Variants in IZUMO1R observed in about 807,000 individuals in gnomAD.
IZUMO1R encodes the protein sperm-egg fusion protein Juno.
In IZUMO1R, 24 loss-of-function variants were observed where a neutral mutation model predicts 22.1. The observed-to-expected ratio is 1.09, with a 90% CI of 0.79 to 1.53. The LOEUF is 1.53. IZUMO1R is among the 40% of genes most tolerant of loss of function. The pLI is 0.00. For missense variants in IZUMO1R, 308 were observed against 314.9 expected, an observed-to-expected ratio of 0.98 and a Z score of 0.17; for synonymous variants, 133 against 121.2, an observed-to-expected ratio of 1.10 and a Z score of -0.64.
intron 2 of IZUMO1R, 149 bp from the exon 3 acceptor site, chr11:94,306,364 T>C: frequency 1.4e-6 from 1 of 708,368 alleles, no homozygotes; most frequent in Non-Finnish European, 2.5e-6. Context: ...ATTATCAGGG[T>C]TCCTCTTATG....
rs756020398 is a variant in IZUMO1R, at chr11:94,306,552, A to G, written c.178A>G (p.Thr60Ala). The change falls in exon 3 of 5, where the codon ACA (threonine) becomes GCA (alanine). Residue 60 changes from threonine (T) to alanine (A), a missense_variant. Coordinates refer to ENST00000687084, the MANE Select transcript of IZUMO1R (RefSeq NM_001199206.4). Reference protein sequence around the residue: ...WKDNACCTLTTSWEAHLDVSP... With the variant: ...WKDNACCTLTASWEAHLDVSP... ...GGACAATGCCTGCTGCACCCTCACG[A>G]CAAGCTGGGAAGCCCATCTGGATGT... The G allele has an allele frequency of 3.1e-6, 5 of 1,613,804 alleles. No homozygotes were observed. In the Admixed American group the frequency reaches 6.7e-5, roughly 22 times the overall value.
rs554302745 is a variant in IZUMO1R at position 94,305,759 on chromosome 11, C to T, written c.123C>T (p.Asp41=). 2.5e-5 allele frequency: 40 copies of T among 1,613,096 alleles called. No homozygotes were observed. Among genetic ancestry groups the T allele is most frequent in the Admixed American group, 1.0e-4 (6 of 59,916 alleles). ...KHHKRVPSPE[D]KLYEECIPWK... Reference sequence around the variant, plus strand: ...ACAAGAGAGTGCCCAGCCCAGAAGACAAGCTCTATGAGGAGGTACAGAGGC... The same window carrying T: ...ACAAGAGAGTGCCCAGCCCAGAAGATAAGCTCTATGAGGAGGTACAGAGGC... Residue 41 remains aspartate, a synonymous_variant, in exon 2 of 5, where the codon GAC becomes GAT. Transcript: ENST00000687084.
chr11:94,306,463 C>T lies in IZUMO1R; in HGVS notation c.139-50C>T, dbSNP rs745674737. ...CCACCTTTCTTCCCTAGACACTTGC[C>T]GATCCTTGCCCCTTTTGCCTGGGCC... On this transcript the variant is annotated intron_variant, in intron 2 of 4. Coordinates refer to ENST00000687084, the MANE Select transcript of IZUMO1R (RefSeq NM_001199206.4). 5.9e-5 allele frequency: 92 copies of T among 1,558,378 alleles called. No individual in the cohort carries two copies. The Admixed American group carries it at 8.2e-4, about 14-fold the overall frequency.
rs916584040 is a variant in IZUMO1R, at chr11:94,307,801, C to T, written c.*109C>T. 5.1e-5 allele frequency: 52 copies of T among 1,021,268 alleles called. No homozygotes were observed. Among genetic ancestry groups the T allele is most frequent in the Non-Finnish European group, 7.1e-5 (51 of 719,560 alleles). 63.3% of individuals were successfully genotyped at this position (1,021,268 alleles called of 1,614,324 possible). ...CCTCCCCTAAAAGCAGTGGCATGGG[C>T]TAGGGACTGCAGTCCCACCCAGTCT... On this transcript the variant is annotated 3_prime_UTR_variant, in exon 5 of 5. Transcript: ENST00000687084.
At position 94,305,770 on chromosome 11, in the gene IZUMO1R, A is replaced by G. The variant is rs1284393021; in HGVS notation, c.134A>G (p.Glu45Gly). 6.2e-7 allele frequency: 1 copy of G among 1,613,198 alleles called. No homozygotes were observed. The highest frequency in any genetic ancestry group is 2.2e-5 in the East Asian group (1 of 44,828). The change falls in exon 2 of 5, where the codon GAG becomes GGG. Residue 45 changes from glutamate (E) to glycine (G), a missense_variant. Transcript: ENST00000687084. The part of the protein sequence containing the change: ...RVPSPEDKLY[E>G]ECIPWKDNAC... ...CCCAGCCCAGAAGACAAGCTCTATG[A>G]GGAGGTACAGAGGCCAGACCTGGGT...
At chr11:94,307,017 C>A (rs1157781959) in intron 3 of IZUMO1R, 148 bp from the exon 4 acceptor site, 2 of 993,956 alleles carry the variant, frequency 2.0e-6, no homozygotes, top group Non-Finnish European at 3.0e-6. Flanking sequence ...AATCTCTTAG[C>A]CTCATTGGTA....
intron 3 of IZUMO1R, 133 bp from the exon 4 acceptor site, chr11:94,307,032 T>G (rs1944028723): frequency 9.1e-7 from 1 of 1,104,722 alleles, no homozygotes; most frequent in South Asian, 1.6e-5. Context: ...TTGGTATTAT[T>G]TGTAAAATAA....
At position 94,307,634 on chromosome 11, in the gene IZUMO1R, C is replaced by T. The variant is rs1283107964; in HGVS notation, c.695C>T (p.Ser232Phe). The T allele has an allele frequency of 3.7e-6, 6 of 1,613,802 alleles. No homozygotes were observed. The highest frequency in any genetic ancestry group is 4.2e-6 in the Non-Finnish European group (5 of 1,179,838). ...VARLFASSAP[S>F]WELSYTIMVC... Reference sequence around the variant, plus strand: ...CGCCTCTTCGCCAGCTCTGCCCCATCCTGGGAACTGTCCTACACCATCATG... The same window carrying T: ...CGCCTCTTCGCCAGCTCTGCCCCATTCTGGGAACTGTCCTACACCATCATG... The change falls in exon 5 of 5, where the codon TCC becomes TTC. Residue 232 changes from serine (S) to phenylalanine (F), a missense_variant. Transcript: ENST00000687084.
In IZUMO1R at chr11:94,305,736, A is replaced by G. The variant is rs746872894; in HGVS notation, c.100A>G (p.Lys34Glu). 2 of 1,613,292 alleles carry G rather than the reference A, an allele frequency of 1.2e-6. No homozygotes were observed. Among genetic ancestry groups the G allele is most frequent in the East Asian group, 4.5e-5 (2 of 44,824 alleles). ...CATCTGCATGAATGCCAAACACCAC[A>G]AGAGAGTGCCCAGCCCAGAAGACAA... Reference protein sequence around the residue: ...LNICMNAKHHKRVPSPEDKLY... With the variant: ...LNICMNAKHHERVPSPEDKLY... Residue 34 changes from lysine (K) to glutamate (E), a missense_variant, in exon 2 of 5, where the codon AAG (lysine) becomes GAG (glutamate). Coordinates refer to ENST00000687084, the MANE Select transcript of IZUMO1R (RefSeq NM_001199206.4).
At position 94,305,632 on chromosome 11, in the gene IZUMO1R, A is replaced by T; in HGVS notation, c.-5A>T. ...TGTGCAGCATGGGTCTCTCTGTAGC[A>T]GGCCATGGCATGCTGGTGGCCGCTC... On this transcript the variant is annotated splice_region_variant and 5_prime_UTR_variant, in exon 2 of 5. Transcript: ENST00000687084. 3 of 1,612,586 alleles carry T rather than the reference A, an allele frequency of 1.9e-6. No homozygotes were observed. Among genetic ancestry groups the T allele is most frequent in the Non-Finnish European group, 2.5e-6 (3 of 1,179,734 alleles).
At chr11:94,307,378 C>A (rs1233492707) in intron 4 of IZUMO1R, 46 bp from the exon 5 acceptor site, 2 of 1,611,984 alleles carry the variant, frequency 1.2e-6, no homozygotes, top group African/African-American at 1.3e-5. Flanking sequence ...CAAAGGCTAG[C>A]AATGAGGGAG....
chr11:94,305,832 C>T (rs1944012945), intron 2 of IZUMO1R, 58 bp downstream of exon 2: 8 of 1,582,892 alleles, frequency 5.1e-6, no homozygotes, highest in Non-Finnish European at 6.9e-6. Flanking sequence ...ACACAAATGC[C>T]AAGATGGTCT....
chr11:94,307,805 G>T lies in IZUMO1R; in HGVS notation c.*113G>T, dbSNP rs1591573179. 3.2e-5 allele frequency: 29 copies of T among 904,228 alleles called. No individual in the cohort carries two copies. Among genetic ancestry groups the T allele is most frequent in the African/African-American group, 7.6e-5 (3 of 39,718 alleles). The allele number at this position is 904,228 out of a possible 1,614,324, so 56.0% of individuals were successfully genotyped here. A position where few individuals can be genotyped will look rare whatever the true frequency, so the allele number is the denominator to read the frequency against. On this transcript the variant is annotated 3_prime_UTR_variant, in exon 5 of 5. Coordinates refer to ENST00000687084, the MANE Select transcript of IZUMO1R (RefSeq NM_001199206.4). ...CCCTAAAAGCAGTGGCATGGGCTAG[G>T]GACTGCAGTCCCACCCAGTCTAGCC...
intron 2 of IZUMO1R, among the ~76,000 whole-genome samples, chr11:94,306,284 G>A (rs1016134860): frequency 5.9e-5 from 9 of 152,102 alleles, no homozygotes; most frequent in Non-Finnish European, 7.3e-5. Flanking sequence ...TGTGTTTCTA[G>A]AGGACTGTAG....
At chr11:94,305,942 C>T (rs1238441462) in intron 2 of IZUMO1R, among the ~76,000 whole-genome samples, 168 bp downstream of exon 2, 2 of 150,208 alleles carry the variant, frequency 1.3e-5, no homozygotes, top group African/African-American at 4.9e-5. Context: ...CCATAAGAGC[C>T]AAGCGATTCA....
rs1944039909 is a variant in IZUMO1R at position 94,307,823 on chromosome 11, G to GCC, written c.*131_*132insCC. On this transcript the variant is annotated 3_prime_UTR_variant, in exon 5 of 5. Coordinates refer to ENST00000687084, the MANE Select transcript of IZUMO1R (RefSeq NM_001199206.4). ...GGGCTAGGGACTGCAGTCCCACCCA[G>GCC]TCTAGCCCATGCCACTGCTTTTAGG... 3 of 140,504 alleles carry GCC rather than the reference G, an allele frequency of 2.1e-5. No individual in the cohort carries two copies. Among genetic ancestry groups the GCC allele is most frequent in the South Asian group, 4.1e-4 (2 of 4,916 alleles). The allele number at this position is 140,504 out of a possible 1,614,324, so 8.7% of individuals were successfully genotyped here.
rs1591572752 is a variant in IZUMO1R, at chr11:94,307,268, C to A, written c.452C>A (p.Ser151Tyr). The change falls in exon 4 of 5, where the codon TCC (serine) becomes TAC (tyrosine). Residue 151 changes from serine to tyrosine, a missense_variant. By Grantham distance (144) the Ser-to-Tyr change is moderately radical. Transcript: ENST00000687084. Reference protein sequence around the residue: ...EDCRMSYTCKSNWRGGWDWSQ... With the variant: ...EDCRMSYTCKYNWRGGWDWSQ... ...TGTCGCATGTCTTACACATGCAAAT[C>A]CAACTGGCGTGGTGGCTGGGACTGG... The A allele has an allele frequency of 1.9e-6, 3 of 1,612,310 alleles. No individual in the cohort carries two copies. Among genetic ancestry groups the A allele is most frequent in the Non-Finnish European group, 2.5e-6 (3 of 1,179,240 alleles).
Position 94,307,386 on chromosome 11 carries a change from G to A in IZUMO1R, c.485-38G>A. 4 of 1,612,486 alleles carry A rather than the reference G, an allele frequency of 2.5e-6. No homozygotes were observed. In the African/African-American group the frequency reaches 4.0e-5, roughly 16 times the overall value. On this transcript the variant is annotated intron_variant, in intron 4 of 4. Coordinates refer to ENST00000687084, the MANE Select transcript of IZUMO1R (RefSeq NM_001199206.4). Reference sequence around the variant, plus strand: ...GCAGGTGCAAAGGCTAGCAATGAGGGAGTAGGAGGTAAGCTGTCCCTCCTC... The same window carrying A: ...GCAGGTGCAAAGGCTAGCAATGAGGAAGTAGGAGGTAAGCTGTCCCTCCTC...
rs753165639 is a variant in IZUMO1R at position 94,307,207 on chromosome 11, CT to C, written c.392del (p.Leu131ArgfsTer158). The C allele has an allele frequency of 6.2e-7, 1 of 1,604,690 alleles. No homozygotes were observed. The highest frequency in any genetic ancestry group is 8.5e-7 in the Non-Finnish European group (1 of 1,175,680). Reference sequence around the variant, plus strand: ...GGGAGAGCGAGTTGTGAATGTGCCGCTGTGCCAGGAGGACTGTGAGGAGTGG... The same window carrying C: ...GGGAGAGCGAGTTGTGAATGTGCCGCGTGCCAGGAGGACTGTGAGGAGTGG... ...GQGERVVNVP[L>X]CQEDCEEWWE... On this transcript the variant is annotated frameshift_variant, in exon 4 of 5. Transcript: ENST00000687084. LOFTEE classifies it high-confidence loss of function.
Sources: allele counts gnomAD v4.1 joint callset (sites outside exome capture counted in the v4.1 genomes callset), GRCh38; gene constraint gnomAD v4.1.1; transcripts MANE v1.5; gene names NCBI Gene and HGNC (gene_info 2026-07-23, HGNC 2026-07-21).